ERG: variants seen among roughly 807,000 people sequenced by gnomAD.
The protein encoded by ERG is transcriptional regulator ERG.
In ERG, 9 loss-of-function variants were observed where a neutral mutation model predicts 55.3. The ratio of observed to expected loss-of-function variants is 0.16; its 90% CI spans 0.10 to 0.28. The LOEUF is 0.28. ERG is among the 10% of genes least tolerant of loss of function. ERG has a pLI of 1.00. For missense variants in ERG, 434 were observed against 631.6 expected (o/e 0.69, Z 3.35); for synonymous variants, 223 against 237.3 (o/e 0.94, Z 0.55).
intron 5 of ERG, among the ~76,000 whole-genome samples, chr21:38,401,606 T>C (rs2836371): frequency 0.26 from 39,163 of 152,128 alleles, 5,870 homozygotes; most frequent in South Asian, 0.37. Context: ...AAATTGCGTA[T>C]TTCTATGTGA....
intron 1 of ERG, among the ~76,000 whole-genome samples, chr21:38,495,045 C>G (rs956648649): frequency 2.0e-5 from 3 of 152,240 alleles, no homozygotes; most frequent in Admixed American, 6.5e-5. Flanking sequence ...CCCGGAATCC[C>G]CCTAAAGTAA....
chr21:38,513,474 C>G (rs1386755624), intron 2 of ERG, among the ~76,000 whole-genome samples: 2 of 152,174 alleles, frequency 1.3e-5, no homozygotes, highest in African/African-American at 4.8e-5. Flanking sequence ...ATCTTGACAT[C>G]TACAGACAAA....
chr21:38,595,457 A>G (rs1455995973), intron 1 of ERG, among the ~76,000 whole-genome samples: 1 of 152,138 alleles, frequency 6.6e-6, no homozygotes, highest in Non-Finnish European at 1.5e-5. Flanking sequence ...CTCAGTGAAG[A>G]TGGGGAGTTC....
intron 2 of ERG, among the ~76,000 whole-genome samples, chr21:38,435,150 C>T (rs868300864): frequency 7.9e-5 from 12 of 152,296 alleles, no homozygotes; most frequent in South Asian, 2.1e-4. Context: ...CCGGGACAAG[C>T]ATTCCAGGCC....
chr21:38,573,913 A>C (rs1387868250), intron 2 of ERG, among the ~76,000 whole-genome samples: 9 of 152,240 alleles, frequency 5.9e-5, no homozygotes, highest in Admixed American at 6.5e-5. Context: ...CCGAAAACAT[A>C]GTTCATTCCT....
At chr21:38,407,557 T>C (rs1480180035) in intron 3 of ERG, among the ~76,000 whole-genome samples, 2 of 150,226 alleles carry the variant, frequency 1.3e-5, no homozygotes, top group Admixed American at 6.6e-5. Context: ...ATAATAAATA[T>C]GGAATACTTG....
chr21:38,602,288 CAA>C (rs765160609), intron 1 of ERG, among the ~76,000 whole-genome samples: 1 of 151,476 alleles, frequency 6.6e-6, no homozygotes, highest in African/African-American at 2.4e-5. Context: ...ACTAAAAATA[CAA>C]AAAAATTAGC....
intron 1 of ERG, among the ~76,000 whole-genome samples, chr21:38,623,165 C>T (rs929774447): frequency 1.6e-4 from 24 of 151,604 alleles, no homozygotes; most frequent in African/African-American, 5.6e-4. Context: ...GCCACACACA[C>T]ACACATTACA....
chr21:38,456,092 G>A (rs879344875), intron 1 of ERG, among the ~76,000 whole-genome samples: 17 of 152,188 alleles, frequency 1.1e-4, no homozygotes, highest in African/African-American at 3.6e-4. Context: ...AAATGAGATC[G>A]ATTTGTTTAA....
intron 2 of ERG, among the ~76,000 whole-genome samples, chr21:38,563,340 C>T (rs1035245472): frequency 3.9e-5 from 6 of 152,154 alleles, no homozygotes; most frequent in South Asian, 2.1e-4. Context: ...CCTTGTTACA[C>T]GTCAGCCACC....
At chr21:38,624,311 G>C (rs912994418) in intron 1 of ERG, among the ~76,000 whole-genome samples, 1 of 151,702 alleles carries the variant, frequency 6.6e-6, no homozygotes, top group East Asian at 1.9e-4. Flanking sequence ...GGGACAAGGG[G>C]AGGGAGAGCA....
chr21:38,596,047 G>A (rs2060128998), intron 1 of ERG, among the ~76,000 whole-genome samples: 1 of 70,076 alleles, frequency 1.4e-5, no homozygotes, highest in Non-Finnish European at 3.5e-5. Context: ...ATAAAAATTG[G>A]TGTGGGATTG....
upstream of ERG, among the ~76,000 whole-genome samples, chr21:38,587,707 T>C (rs921101963): frequency 3.9e-5 from 6 of 152,200 alleles, no homozygotes; most frequent in Non-Finnish European, 7.4e-5. Flanking sequence ...AAAGCCAATA[T>C]TGACTATTGC....
chr21:38,378,355 G>C (rs1420606758), downstream of ERG, among the ~76,000 whole-genome samples: 1 of 152,204 alleles, frequency 6.6e-6, no homozygotes, highest in Admixed American at 6.5e-5. Context: ...AGGAACTCCT[G>C]GACAAAGGCT....
At chr21:38,469,126 A>G (rs2059118438) in intron 1 of ERG, among the ~76,000 whole-genome samples, 1 of 151,502 alleles carries the variant, frequency 6.6e-6, no homozygotes, top group Non-Finnish European at 1.5e-5. Context: ...ATCTATTTAC[A>G]TTATAGAAGG....
chr21:38,545,394 G>A (rs529888433), intron 2 of ERG, among the ~76,000 whole-genome samples: 2 of 152,198 alleles, frequency 1.3e-5, no homozygotes, highest in African/African-American at 2.4e-5. Context: ...AGCAACGTAG[G>A]GTTGATAATT....
At chr21:38,626,249 A>AT (rs1230409902) in intron 1 of ERG, among the ~76,000 whole-genome samples, 1 of 152,140 alleles carries the variant, frequency 6.6e-6, no homozygotes, top group Non-Finnish European at 1.5e-5. Context: ...TGTCATGATA[A>AT]TAATATTCAG....
At position 38,403,579 on chromosome 21, in the gene ERG, C is replaced by T. The variant is rs1440714270; in HGVS notation, c.519G>A (p.Lys173=). The T allele has an allele frequency of 1.2e-6, 2 of 1,614,160 alleles. No individual in the cohort carries two copies. Among genetic ancestry groups the T allele is most frequent in the Non-Finnish European group, 8.5e-7 (1 of 1,180,018 alleles). The change falls in exon 4 of 10, where the codon AAG becomes AAA. Residue 173 remains lysine, a synonymous_variant. Coordinates refer to ENST00000288319, the MANE Select transcript of ERG (RefSeq NM_182918.4). The part of the protein sequence containing the change: ...IDGKELCKMT[K]DDFQRLTPSY... ...TGGGGGTGAGCCTCTGGAAGTCGTC[C>T]TTGGTCATCTTGCACAGTTCCTTCC...
At chr21:38,453,838 C>T (rs534264468) in intron 1 of ERG, among the ~76,000 whole-genome samples, 27 of 148,342 alleles carry the variant, frequency 1.8e-4, no homozygotes, top group South Asian at 1.5e-3. Flanking sequence ...GAGCTGAGAT[C>T]GCGCCACGGC....
Sources: allele counts gnomAD v4.1 joint callset (sites outside exome capture counted in the v4.1 genomes callset), GRCh38; gene constraint gnomAD v4.1.1; transcripts MANE v1.5; gene names NCBI Gene and HGNC (gene_info 2026-07-23, HGNC 2026-07-21).